Variants in ZNF236 observed in about 807,000 individuals in gnomAD.
ZNF236 encodes the protein zinc finger protein 236.
In ZNF236, 50 loss-of-function variants were observed where a neutral mutation model predicts 191.2. The observed-to-expected ratio is 0.26, with a 90% confidence interval of 0.21 to 0.33. The LOEUF is 0.33. ZNF236 is among the 10% of genes least tolerant of loss of function. ZNF236 has a pLI of 1.00. For synonymous variants in ZNF236, 907 were observed against 928.8 expected, an observed-to-expected ratio of 0.98 and a Z score of 0.43; for missense variants, 1,754 against 2,374.5, an observed-to-expected ratio of 0.74 and a Z score of 5.43.
chr18:76,847,415 T>C (rs1239649354), intron 1 of ZNF236, among the ~76,000 whole-genome samples: 1 of 152,126 alleles, frequency 6.6e-6, no homozygotes, highest in African/African-American at 2.4e-5. Flanking sequence ...TCCAAGGGAA[T>C]TGTATATCAA....
intron 1 of ZNF236, 150 bp downstream of exon 1, chr18:76,822,812 G>C (rs957776995): frequency 1.4e-5 from 2 of 146,034 alleles, no homozygotes; most frequent in Non-Finnish European, 3.0e-5. Flanking sequence ...CCGCCGACTG[G>C]CCGGGCGGGC....
At chr18:76,842,303 T>C (rs534598614) in intron 1 of ZNF236, among the ~76,000 whole-genome samples, 1 of 152,148 alleles carries the variant, frequency 6.6e-6, no homozygotes, top group East Asian at 1.9e-4. Flanking sequence ...ACCTCTCCTT[T>C]ACCAGCCCCC....
At chr18:76,889,516 GC>G (rs1977165181) in intron 9 of ZNF236, among the ~76,000 whole-genome samples, 2 of 152,126 alleles carry the variant, frequency 1.3e-5, no homozygotes, top group African/African-American at 4.8e-5. Flanking sequence ...GCACTTAGGC[GC>G]TAGGATCACG....
chr18:76,964,054 A>G (rs1036859451), intron 30 of ZNF236, among the ~76,000 whole-genome samples: 1 of 151,828 alleles, frequency 6.6e-6, no homozygotes, highest in African/African-American at 2.4e-5. Flanking sequence ...TGTTTGTTTC[A>G]ATTTCATTTA....
chr18:76,959,508 G>A (rs1201438057), intron 28 of ZNF236, among the ~76,000 whole-genome samples, 179 bp from the exon 29 acceptor site: 1 of 152,210 alleles, frequency 6.6e-6, no homozygotes, highest in East Asian at 1.9e-4. Context: ...AGAAGCCCCA[G>A]TGTTGTCACT....
intron 1 of ZNF236, among the ~76,000 whole-genome samples, chr18:76,848,018 G>T (rs545377505): frequency 6.6e-5 from 10 of 152,184 alleles, no homozygotes. Context: ...GCGGAATAAT[G>T]TTTGCAGCTG....
In ZNF236 at chr18:76,971,937, C is replaced by T. The variant is rs769940246; in HGVS notation, c.*3598C>T. 2.6e-5 allele frequency among the ~76,000 whole-genome samples: 4 copies of T among 152,136 alleles called. No individual in the cohort carries two copies. Among genetic ancestry groups the T allele is most frequent in the South Asian group, 2.1e-4 (1 of 4,836 alleles). ...GAATTAATACCGTGCCCTTCCCTGA[C>T]TAAAAAAAGTTAATCCAAGGATTGA... On this transcript the variant is annotated 3_prime_UTR_variant, in exon 31 of 31. Coordinates refer to ENST00000320610, the MANE Select transcript of ZNF236 (RefSeq NM_001306089.2).
chr18:76,930,272 T>G lies in ZNF236; in HGVS notation c.4594+2166T>G, dbSNP rs865995135. Among the ~76,000 whole-genome samples, 26 of 152,380 alleles carry G rather than the reference T, an allele frequency of 1.7e-4. No homozygotes were observed. In the Middle Eastern group the frequency reaches 0.01, roughly 60 times the overall value. ...CTCTTTCTTTAGCATTGCATGAGAA[T>G]GTAGGTCACTATAAAGCAATCATAG... On this transcript the variant is annotated intron_variant, in intron 25 of 30. Transcript: ENST00000320610.
chr18:76,853,016 A>G (rs1975925932), intron 3 of ZNF236, among the ~76,000 whole-genome samples: 1 of 152,130 alleles, frequency 6.6e-6, no homozygotes, highest in Non-Finnish European at 1.5e-5. Flanking sequence ...ATGTAATCCC[A>G]TTGTAAATCA....
chr18:76,881,376 A>T lies in ZNF236; in HGVS notation c.1281A>T (p.Gln427His), dbSNP rs1210816719. Residue 427 changes from glutamine to histidine, a missense_variant, in exon 9 of 31, where the codon CAA (glutamine) becomes CAT (histidine). By Grantham distance (24) the Gln-to-His change is conservative (BLOSUM62 0). Transcript: ENST00000320610. ...CHAKTSAPHAQNPDVSSVSNE... is the reference protein window; with the variant it reads ...CHAKTSAPHAHNPDVSSVSNE... ...CCAAGACCTCTGCACCACACGCTCA[A>T]AACCCAGATGTTTCCAGCGTTTCAA... 1.2e-6 allele frequency: 2 copies of T among 1,614,166 alleles called. No homozygotes were observed. The highest frequency in any genetic ancestry group is 1.7e-6 in the Non-Finnish European group (2 of 1,180,042).
At chr18:76,848,424 ATATT>A (rs1975763984) in intron 1 of ZNF236, among the ~76,000 whole-genome samples, 1 of 152,214 alleles carries the variant, frequency 6.6e-6, no homozygotes, top group East Asian at 1.9e-4. Flanking sequence ...CACTTGAAGT[ATATT>A]TATTTTTAAA....
chr18:76,910,246 G>A, intron 15 of ZNF236, 77 bp downstream of exon 15: 2 of 1,282,972 alleles, frequency 1.6e-6, no homozygotes, highest in Non-Finnish European at 2.2e-6. Flanking sequence ...AACCTTACAT[G>A]TTTTCTCTTA....
At position 76,969,342 on chromosome 18, in the gene ZNF236, G is replaced by T. The variant is rs567216669; in HGVS notation, c.*1003G>T. The T allele has an allele frequency of 6.6e-6, 1 of 152,614 alleles. No individual in the cohort carries two copies. The highest frequency in any genetic ancestry group is 2.4e-5 in the African/African-American group (1 of 41,446). 9.5% of individuals were successfully genotyped at this position (152,614 alleles called of 1,614,324 possible). On this transcript the variant is annotated 3_prime_UTR_variant, in exon 31 of 31. Transcript: ENST00000320610. ...ATCCCACCCGTGCTGGGCAGAGTGC[G>T]TGCACGCCATTCCTACAGCATTCCA...
chr18:76,861,968 A>G lies in ZNF236; in HGVS notation c.364-6717A>G, dbSNP rs576174238. Among the ~76,000 whole-genome samples, 135 of 152,242 alleles carry G rather than the reference A, an allele frequency of 8.9e-4. 1 individual carries two copies. The highest frequency in any genetic ancestry group is 2.6e-3 in the African/African-American group (109 of 41,546). ...AAGCTCCACCTCCTGGGTTCAAGCC[A>G]TTCTCCTGCCTCAGCCTCCCGAGTA... On this transcript the variant is annotated intron_variant, in intron 3 of 30. Transcript: ENST00000320610.
intron 19 of ZNF236, among the ~76,000 whole-genome samples, chr18:76,916,742 T>A (rs60057802): frequency 1.3e-5 from 2 of 152,194 alleles, no homozygotes; most frequent in African/African-American, 4.8e-5. Context: ...TGAGTGTATG[T>A]GTTGGCCTGG....
chr18:76,850,219 TAAA>T (rs1244049922), intron 2 of ZNF236, among the ~76,000 whole-genome samples: 1 of 152,286 alleles, frequency 6.6e-6, no homozygotes, highest in African/African-American at 2.4e-5. Flanking sequence ...AAACTATAAT[TAAA>T]AAAGTGATTG....
At chr18:76,832,024 T>G (rs1450056724) in intron 1 of ZNF236, among the ~76,000 whole-genome samples, 1 of 152,244 alleles carries the variant, frequency 6.6e-6, no homozygotes, top group Non-Finnish European at 1.5e-5. Context: ...TTAAATAATA[T>G]TTGAAAATAA....
intron 22 of ZNF236, among the ~76,000 whole-genome samples, chr18:76,926,739 ATGGTATAAAGGGTGATTAGACAG>A (rs1568233843): frequency 1.3e-5 from 2 of 151,534 alleles, no homozygotes; most frequent in African/African-American, 2.4e-5. Flanking sequence ...ATGTGTGTGT[ATGGTATAAAGGGTGATTAGACAG>A]TGTGTGTGTA....
At chr18:76,962,597 G>A (rs185120950) in intron 30 of ZNF236, among the ~76,000 whole-genome samples, 91 of 152,288 alleles carry the variant, frequency 6.0e-4, no homozygotes, top group African/African-American at 1.8e-3. Flanking sequence ...TGTGAAGAAT[G>A]ATGTTGGTAT....
Sources: gnomAD v4.1 joint callset for allele counts (sites outside exome capture counted in the v4.1 genomes callset) on GRCh38, gnomAD v4.1.1 for gene constraint, MANE v1.5 for transcripts, NCBI Gene and HGNC (gene_info 2026-07-23, HGNC 2026-07-21) for gene names.